CDC42BPA: variants seen among roughly 807,000 people sequenced by gnomAD.
CDC42BPA encodes serine/threonine-protein kinase MRCK alpha.
Under a neutral mutation model 223.5 loss-of-function variants are expected in CDC42BPA, and 80 were observed. The observed-to-expected ratio is 0.36, with a 90% CI of 0.30 to 0.43. CDC42BPA has a LOEUF of 0.43. CDC42BPA is among the 20% of genes least tolerant of loss of function. The probability of loss-of-function intolerance (pLI) is 1.00; values close to 1 mark genes in which losing one functional copy is unlikely to be tolerated. For synonymous variants in CDC42BPA, 694 were observed against 718.6 expected (o/e 0.97, Z 0.55); for missense variants, 1,743 against 2,099.9 (o/e 0.83, Z 3.32).
At chr1:227,016,645 G>A (rs988413382) in intron 33 of CDC42BPA, among the ~76,000 whole-genome samples, 2 of 147,068 alleles carry the variant, frequency 1.4e-5, no homozygotes, top group Admixed American at 7.1e-5. Context: ...TGCTTATACT[G>A]TAGAAAGGTA....
chr1:227,106,802 A>C (rs529375217), intron 14 of CDC42BPA, among the ~76,000 whole-genome samples: 1 of 152,314 alleles, frequency 6.6e-6, no homozygotes, highest in South Asian at 2.1e-4. Context: ...AGTTGTCCCA[A>C]AACATCTGTA....
intron 2 of CDC42BPA, among the ~76,000 whole-genome samples, chr1:227,230,816 CTTTCTTT>C (rs1677753461): frequency 3.7e-5 from 2 of 54,064 alleles, no homozygotes; most frequent in Admixed American, 4.3e-4. Context: ...TTTTTTCTTT[CTTTCTTT>C]TTTTTTTTTT....
intron 8 of CDC42BPA, among the ~76,000 whole-genome samples, chr1:227,144,506 C>T (rs1240155327): frequency 3.3e-5 from 4 of 122,956 alleles, no homozygotes; most frequent in Admixed American, 1.1e-4. Flanking sequence ...ACCCGGAAGG[C>T]GGAGCTTGCA....
intron 7 of CDC42BPA, among the ~76,000 whole-genome samples, chr1:227,146,278 T>G (rs1660692377): frequency 6.6e-6 from 1 of 152,104 alleles, no homozygotes; most frequent in South Asian, 2.1e-4. Context: ...ATCTAGGAAG[T>G]GGCAGAACCA....
At chr1:227,246,690 A>C (rs1681033013) in intron 2 of CDC42BPA, among the ~76,000 whole-genome samples, 1 of 152,100 alleles carries the variant, frequency 6.6e-6, no homozygotes, top group Non-Finnish European at 1.5e-5. Flanking sequence ...AGTCCCTTCA[A>C]ATACCTGGAA....
intron 5 of CDC42BPA, among the ~76,000 whole-genome samples, chr1:227,165,353 G>A (rs1331516151): frequency 1.3e-5 from 2 of 152,190 alleles, no homozygotes; most frequent in Non-Finnish European, 2.9e-5. Flanking sequence ...TGCCTACAAG[G>A]TTGGGAGAAA....
chr1:227,199,678 G>A (rs1671382317), intron 3 of CDC42BPA, 26 bp from the exon 4 acceptor site: 1 of 1,154,208 alleles, frequency 8.7e-7, no homozygotes, highest in South Asian at 1.3e-5. Flanking sequence ...AAAATTTTTA[G>A]AGCATACTTT....
chr1:227,263,674 CA>C (rs1473498776), intron 1 of CDC42BPA, among the ~76,000 whole-genome samples: 2 of 151,880 alleles, frequency 1.3e-5, no homozygotes, highest in South Asian at 2.1e-4. Flanking sequence ...CTCCGCCTCC[CA>C]GGTTCAGGTG....
At chr1:227,166,664 A>C (rs1299284683) in intron 5 of CDC42BPA, among the ~76,000 whole-genome samples, 2 of 152,212 alleles carry the variant, frequency 1.3e-5, no homozygotes, top group Non-Finnish European at 2.9e-5. Context: ...ACTAAGCTGA[A>C]CTTATACAAG....
chr1:227,280,938 G>A (rs1687921851), intron 1 of CDC42BPA, among the ~76,000 whole-genome samples: 1 of 152,254 alleles, frequency 6.6e-6, no homozygotes, highest in Admixed American at 6.5e-5. Flanking sequence ...GCCTCTCAGG[G>A]CCTCTGCCTC....
At chr1:227,238,257 G>C (rs1477639836) in intron 2 of CDC42BPA, among the ~76,000 whole-genome samples, 1 of 151,096 alleles carries the variant, frequency 6.6e-6, no homozygotes, top group East Asian at 1.9e-4. Flanking sequence ...TACTTATGAG[G>C]CTGAGTGGGA....
Position 227,273,654 on chromosome 1 carries a change from G to T in CDC42BPA, c.179-19499C>A, listed in dbSNP as rs1260072614. On this transcript the variant is annotated intron_variant, in intron 1 of 36. Transcript: ENST00000366766. ...TATAAGGAAAAGAATGATGCCAGTG[G>T]AGACTTCAGAAGAATATTTTAACCT... Among the ~76,000 whole-genome samples, 4 of 151,944 alleles carry T rather than the reference G, an allele frequency of 2.6e-5. No individual in the cohort carries two copies. The East Asian group carries it at 7.7e-4, about 29-fold the overall frequency.
chr1:227,158,340 T>C (rs1246468523), intron 6 of CDC42BPA, among the ~76,000 whole-genome samples: 2 of 152,174 alleles, frequency 1.3e-5, no homozygotes, highest in Admixed American at 6.5e-5. Context: ...TTTATCTGAC[T>C]CTGTATCACT....
chr1:227,018,341 AG>A (rs887420253), intron 32 of CDC42BPA, among the ~76,000 whole-genome samples: 3 of 152,214 alleles, frequency 2.0e-5, no homozygotes, highest in African/African-American at 7.2e-5. Flanking sequence ...AGAGGGTTGC[AG>A]GAACACTTTG....
At chr1:227,308,851 GA>G (rs1693026442) in intron 1 of CDC42BPA, among the ~76,000 whole-genome samples, 1 of 152,212 alleles carries the variant, frequency 6.6e-6, no homozygotes, top group East Asian at 1.9e-4. Flanking sequence ...AAATTAAACA[GA>G]AGGTGTTTTT....
chr1:227,249,690 G>C (rs1681619514), intron 2 of CDC42BPA, among the ~76,000 whole-genome samples: 3 of 152,170 alleles, frequency 2.0e-5, no homozygotes, highest in Admixed American at 2.0e-4. Flanking sequence ...ACAGGCATAT[G>C]AAAAAAGTGG....
intron 5 of CDC42BPA, among the ~76,000 whole-genome samples, chr1:227,164,620 C>T (rs1664700177): frequency 6.6e-6 from 1 of 152,220 alleles, no homozygotes; most frequent in Admixed American, 6.5e-5. Flanking sequence ...GAGCCATGAT[C>T]ATGCCACTGC....
At chr1:227,240,911 T>C (rs1679904420) in intron 2 of CDC42BPA, among the ~76,000 whole-genome samples, 1 of 152,076 alleles carries the variant, frequency 6.6e-6, no homozygotes, top group Non-Finnish European at 1.5e-5. Flanking sequence ...TGAAAACTTC[T>C]GCTCTAAACG....
chr1:227,301,361 C>CG (rs1558992254), intron 1 of CDC42BPA, among the ~76,000 whole-genome samples: 1 of 144,826 alleles, frequency 6.9e-6, no homozygotes, highest in African/African-American at 2.6e-5. Context: ...AGGATGTAGA[C>CG]ATTTTTTTTT....
Sources: gnomAD v4.1 joint callset for allele counts (sites outside exome capture counted in the v4.1 genomes callset) on GRCh38, gnomAD v4.1.1 for gene constraint, MANE v1.5 for transcripts, NCBI Gene and HGNC (gene_info 2026-07-23, HGNC 2026-07-21) for gene names.